Variants in SPECC1 observed in about 807,000 individuals in gnomAD.
SPECC1 encodes sperm antigen with calponin homology and coiled-coil domains 1.
Under a neutral mutation model 104.1 loss-of-function variants are expected in SPECC1, and 62 were observed. The observed-to-expected ratio is 0.60, with a 90% CI of 0.49 to 0.74. SPECC1 has a LOEUF of 0.74. Ranked by LOEUF, SPECC1 falls within the 30% of genes least tolerant of loss-of-function variation. SPECC1 has a pLI of 0.00. For synonymous variants in SPECC1, 513 were observed against 501.6 expected (o/e 1.02, Z -0.30); for missense variants, 1,306 against 1,310.5 (o/e 1.00, Z 0.05).
At position 20,315,202 on chromosome 17, in the gene SPECC1, G is replaced by T. The variant is rs2042024642; in HGVS notation, c.*1137G>T. ...AAATCCCAACAGTATTTCGGCTCTG[G>T]ACTGATTTGGCCTTTAGTGCTTCCC... On this transcript the variant is annotated 3_prime_UTR_variant, in exon 15 of 15. Coordinates refer to ENST00000395527, the MANE Select transcript of SPECC1 (RefSeq NM_001243439.2). 4.3e-6 allele frequency: 1 copy of T among 232,958 alleles called. No individual in the cohort carries two copies. The highest frequency in any genetic ancestry group is 8.5e-6 in the Non-Finnish European group (1 of 117,874). 14.4% of individuals were successfully genotyped at this position (232,958 alleles called of 1,614,324 possible).
chr17:20,222,916 G>T (rs2037975188), intron 4 of SPECC1, among the ~76,000 whole-genome samples: 1 of 152,088 alleles, frequency 6.6e-6, no homozygotes, highest in Non-Finnish European at 1.5e-5. Context: ...GGCCTGTAAG[G>T]TTTCCACTGA....
At chr17:20,310,638 G>T (rs1189715975) in intron 14 of SPECC1, among the ~76,000 whole-genome samples, 1 of 152,222 alleles carries the variant, frequency 6.6e-6, no homozygotes, top group African/African-American at 2.4e-5. Context: ...CAGGGCTGCT[G>T]TGTCTTTACC....
chr17:20,021,903 CTTTT>C (rs906839872), intron 1 of SPECC1, among the ~76,000 whole-genome samples: 2 of 147,888 alleles, frequency 1.4e-5, no homozygotes, highest in Non-Finnish European at 3.0e-5. Flanking sequence ...CAGTCTCTCT[CTTTT>C]TATTTATTTA....
intron 3 of SPECC1, among the ~76,000 whole-genome samples, chr17:20,148,242 G>T (rs1294014839): frequency 1.3e-5 from 2 of 152,012 alleles, no homozygotes; most frequent in Admixed American, 1.3e-4. Context: ...AATTTTACTT[G>T]AAATTATTAT....
chr17:20,123,219 T>G (rs2049123863), intron 3 of SPECC1, among the ~76,000 whole-genome samples: 1 of 152,206 alleles, frequency 6.6e-6, no homozygotes, highest in African/African-American at 2.4e-5. Context: ...AAGTGCCCAT[T>G]TAGATGTTTC....
chr17:20,313,958 C>T lies in SPECC1; in HGVS notation c.3118-18C>T. On this transcript the variant is annotated intron_variant, in intron 14 of 14. Coordinates refer to ENST00000395527, the MANE Select transcript of SPECC1 (RefSeq NM_001243439.2). Reference sequence around the variant, plus strand: ...ATGTCCTGCCTTGTGATCTGTCCCCCATTCCCTTCCCCTGCAGGAACTCAG... The same window carrying T: ...ATGTCCTGCCTTGTGATCTGTCCCCTATTCCCTTCCCCTGCAGGAACTCAG... 1 of 1,612,506 alleles carries T rather than the reference C, an allele frequency of 6.2e-7. No homozygotes were observed.
chr17:20,047,843 C>T (rs1262883595), intron 1 of SPECC1, among the ~76,000 whole-genome samples: 5 of 152,098 alleles, frequency 3.3e-5, no homozygotes, highest in Non-Finnish European at 5.9e-5. Flanking sequence ...GTGGTCCCCC[C>T]GCCTCAGCCT....
chr17:20,105,426 C>T (rs1344567012), intron 2 of SPECC1, among the ~76,000 whole-genome samples: 1 of 152,120 alleles, frequency 6.6e-6, no homozygotes, highest in Non-Finnish European at 1.5e-5. Flanking sequence ...GAAGAAGGAG[C>T]GCTGCTCCCT....
intron 1 of SPECC1, among the ~76,000 whole-genome samples, chr17:20,031,444 C>T (rs1190829111): frequency 6.6e-6 from 1 of 152,184 alleles, no homozygotes; most frequent in African/African-American, 2.4e-5. Flanking sequence ...CTCAGCCTCC[C>T]AAGTAGCTGG....
intron 3 of SPECC1, among the ~76,000 whole-genome samples, chr17:20,169,260 G>C (rs1460654930): frequency 6.6e-6 from 1 of 152,200 alleles, no homozygotes; most frequent in Non-Finnish European, 1.5e-5. Flanking sequence ...CTCTGTGGGA[G>C]CTATAAACTA....
intron 1 of SPECC1, among the ~76,000 whole-genome samples, chr17:20,089,245 G>A (rs2152498164): frequency 6.6e-6 from 1 of 152,278 alleles, no homozygotes; most frequent in Middle Eastern, 3.4e-3. Flanking sequence ...ACCTCACAGG[G>A]TAGTCAGAAA....
At chr17:20,063,283 GGACTGTTTGTTTCTTCTTGA>G (rs2046252665) in intron 1 of SPECC1, among the ~76,000 whole-genome samples, 1 of 151,888 alleles carries the variant, frequency 6.6e-6, no homozygotes, top group African/African-American at 2.4e-5. Context: ...TTTTTCTGTT[GGACTGTTTGTTTCTTCTTGA>G]GTTAATTTTG....
intron 3 of SPECC1, among the ~76,000 whole-genome samples, chr17:20,145,901 A>G (rs560065209): frequency 6.6e-6 from 1 of 152,330 alleles, no homozygotes; most frequent in East Asian, 1.9e-4. Flanking sequence ...ATGTTTAAAA[A>G]ATTAATGGGC....
chr17:20,226,010 G>A (rs2038181143), intron 4 of SPECC1, among the ~76,000 whole-genome samples: 1 of 152,090 alleles, frequency 6.6e-6, no homozygotes, highest in South Asian at 2.1e-4. Flanking sequence ...GAATTAAACA[G>A]ACAAGGTCCC....
intron 3 of SPECC1, among the ~76,000 whole-genome samples, chr17:20,162,236 C>T (rs952546033): frequency 1.3e-5 from 2 of 152,124 alleles, no homozygotes; most frequent in African/African-American, 2.4e-5. Flanking sequence ...AGCTCCACCT[C>T]CCGGGTTCAC....
rs2038625372 is a variant in SPECC1, at chr17:20,232,180, A to G, written c.2146-20A>G. The G allele has an allele frequency of 1.2e-6, 2 of 1,613,240 alleles. No individual in the cohort carries two copies. Among genetic ancestry groups the G allele is most frequent in the Admixed American group, 1.7e-5 (1 of 60,006 alleles). ...GCCCTGGCAGGCGTCTGACATAAGG[A>G]TGGGCTCTGACATTTTCAGGAGGAG... On this transcript the variant is annotated intron_variant, in intron 6 of 14. Transcript: ENST00000395527.
intron 12 of SPECC1, among the ~76,000 whole-genome samples, chr17:20,279,305 C>CTTTCTTTTTTTTTT (rs770607265): frequency 2.1e-5 from 3 of 140,266 alleles, no homozygotes; most frequent in Admixed American, 2.1e-4. Context: ...GGTTACTTTT[C>CTTTCTTTTTTTTTT]TTTCTTTTTT....
chr17:20,220,829 T>G (rs1311099040), intron 4 of SPECC1, among the ~76,000 whole-genome samples: 1 of 152,152 alleles, frequency 6.6e-6, no homozygotes, highest in Non-Finnish European at 1.5e-5. Context: ...GTATATGGCT[T>G]TTATTATGTT....
chr17:20,242,242 A>T (rs998203711), intron 7 of SPECC1, among the ~76,000 whole-genome samples: 15 of 152,254 alleles, frequency 9.9e-5, no homozygotes, highest in African/African-American at 3.6e-4. Flanking sequence ...CATGACTGAC[A>T]TTTGAAAACT....
Sources: gnomAD v4.1 joint callset for allele counts (sites outside exome capture counted in the v4.1 genomes callset) on GRCh38, gnomAD v4.1.1 for gene constraint, MANE v1.5 for transcripts, NCBI Gene and HGNC (gene_info 2026-07-23, HGNC 2026-07-21) for gene names.